TP63: variants seen among roughly 807,000 people sequenced by gnomAD.
The protein encoded by TP63 is tumor protein 63.
Under a neutral mutation model 82.8 loss-of-function variants are expected in TP63, and 17 were observed. That is an observed-to-expected ratio of 0.21 (90% CI 0.14 to 0.31). TP63 has a LOEUF of 0.31. Among genes scored for constraint, TP63 ranks in the 10% least tolerant of loss-of-function variants. The probability of loss-of-function intolerance (pLI) is 1.00; values close to 1 mark genes in which losing one functional copy is unlikely to be tolerated. For missense variants in TP63, 648 were observed against 895.3 expected (o/e 0.72, Z 3.52); for synonymous variants, 330 against 321.7 (o/e 1.03, Z -0.28).
the TP63 span, among the ~76,000 whole-genome samples, chr3:189,600,604 T>C: frequency 6.6e-6 from 1 of 152,202 alleles, no homozygotes; most frequent in Non-Finnish European, 1.5e-5. Flanking sequence ...CTCTTTGTTA[T>C]TAAACTCTAC....
chr3:189,869,717 G>GTT (rs751802317), intron 9 of TP63, among the ~76,000 whole-genome samples: 4,892 of 136,690 alleles, frequency 0.036, 95 homozygotes, highest in Middle Eastern at 0.12. Context: ...TCTCTAGGGT[G>GTT]TTTTTTTTTT....
chr3:189,850,285 G>A (rs924602963), intron 4 of TP63, among the ~76,000 whole-genome samples: 6 of 151,226 alleles, frequency 4.0e-5, no homozygotes, highest in South Asian at 2.1e-4. Context: ...CCATCCCCCC[G>A]TACCCCTTCC....
Position 189,875,902 on chromosome 3 carries a change from T to C in TP63, c.1349+2907T>C, listed in dbSNP as rs138196849. Among the ~76,000 whole-genome samples, 194 of 151,994 alleles carry C rather than the reference T, an allele frequency of 1.3e-3. 2 individuals are homozygous for C. The South Asian group carries it at 0.022, about 17-fold the overall frequency. ...AGAAAGTGAGGCATGCCCATCCAGATATAAAATGTAGTTAACGACACAACC... is the reference window on the plus strand; with the variant it reads ...AGAAAGTGAGGCATGCCCATCCAGACATAAAATGTAGTTAACGACACAACC... On this transcript the variant is annotated intron_variant, in intron 10 of 13. Coordinates refer to ENST00000264731, the MANE Select transcript of TP63 (RefSeq NM_003722.5).
At chr3:189,870,873 C>T (rs1055321555) in intron 9 of TP63, among the ~76,000 whole-genome samples, 8 of 152,116 alleles carry the variant, frequency 5.3e-5, no homozygotes, top group African/African-American at 1.4e-4. Flanking sequence ...ATTGAACTAA[C>T]GAAAGTCAAC....
At chr3:189,770,674 T>C (rs1723272967) in intron 3 of TP63, among the ~76,000 whole-genome samples, 1 of 152,200 alleles carries the variant, frequency 6.6e-6, no homozygotes, top group Admixed American at 6.5e-5. Flanking sequence ...TAGAAGGCTG[T>C]CCCTTCTTTT....
chr3:189,614,281 T>C, the TP63 span, among the ~76,000 whole-genome samples: 10 of 152,180 alleles, frequency 6.6e-5, no homozygotes, highest in African/African-American at 2.4e-4. Context: ...CGAGATCTGA[T>C]GGATTTGTCA....
chr3:189,850,362 A>G (rs534701897), intron 4 of TP63, among the ~76,000 whole-genome samples: 1 of 152,318 alleles, frequency 6.6e-6, no homozygotes, highest in African/African-American at 2.4e-5. Context: ...AAGACATCTG[A>G]GTATAAGACA....
intron 3 of TP63, among the ~76,000 whole-genome samples, chr3:189,777,845 C>CTTTTTTTTTTTTTTTTTTTTTTT (rs55731981): frequency 2.6e-5 from 1 of 37,766 alleles, no homozygotes; most frequent in African/African-American, 1.2e-4. Context: ...TCTTCTTCTT[C>CTTTTTTTTTTTTTTTTTTTTTTT]TTTTTTTTTT....
At chr3:189,640,196 A>T (rs1711700743) in intron 1 of TP63, among the ~76,000 whole-genome samples, 1 of 151,968 alleles carries the variant, frequency 6.6e-6, no homozygotes, top group South Asian at 2.1e-4. Flanking sequence ...CTGCCTCTAT[A>T]AAAAAAATTT....
chr3:189,842,595 G>T (rs527510149), intron 4 of TP63, among the ~76,000 whole-genome samples: 1 of 152,294 alleles, frequency 6.6e-6, no homozygotes, highest in South Asian at 2.1e-4. Flanking sequence ...AGGGGCAGGG[G>T]AGCACATAGA....
chr3:189,892,754 T>C (rs1325331835), intron 13 of TP63, among the ~76,000 whole-genome samples: 1 of 152,198 alleles, frequency 6.6e-6, no homozygotes, highest in African/African-American at 2.4e-5. Context: ...ATCACGCCAC[T>C]GCACTCCAGC....
intron 1 of TP63, among the ~76,000 whole-genome samples, chr3:189,708,266 T>G (rs1019166853): frequency 1.3e-5 from 2 of 152,240 alleles, no homozygotes; most frequent in Admixed American, 1.3e-4. Context: ...TCTCTGCCAG[T>G]AGTAGCAGTC....
chr3:189,742,001 G>C (rs1721019583), intron 3 of TP63, among the ~76,000 whole-genome samples: 1 of 152,044 alleles, frequency 6.6e-6, no homozygotes, highest in Non-Finnish European at 1.5e-5. Context: ...TCAGCACTTT[G>C]GGAGGCCGAG....
chr3:189,773,275 T>C (rs1041290855), intron 3 of TP63, among the ~76,000 whole-genome samples: 16 of 152,210 alleles, frequency 1.1e-4, no homozygotes, highest in Non-Finnish European at 1.9e-4. Flanking sequence ...CTCTGAGTAA[T>C]TCTCATTCTT....
intron 4 of TP63, among the ~76,000 whole-genome samples, chr3:189,840,770 T>G (rs556415238): frequency 2.0e-5 from 3 of 150,108 alleles, no homozygotes; most frequent in African/African-American, 7.4e-5. Context: ...AGGCAGAGAA[T>G]TGCTTGAACC....
intron 1 of TP63, among the ~76,000 whole-genome samples, chr3:189,672,705 GA>G (rs1382896610): frequency 6.8e-6 from 1 of 147,110 alleles, no homozygotes; most frequent in Non-Finnish European, 1.5e-5. Context: ...AGGAAGGAAG[GA>G]AAGAAGGAAG....
intron 3 of TP63, among the ~76,000 whole-genome samples, chr3:189,744,679 G>T (rs1721239305): frequency 6.6e-6 from 1 of 152,200 alleles, no homozygotes; most frequent in South Asian, 2.1e-4. Context: ...GGGTCCCAGA[G>T]GGTTGTCTTG....
At chr3:189,849,631 CT>C (rs943282993) in intron 4 of TP63, among the ~76,000 whole-genome samples, 1 of 151,536 alleles carries the variant, frequency 6.6e-6, no homozygotes, top group Non-Finnish European at 1.5e-5. Flanking sequence ...TCTCCTTTTG[CT>C]TTTTTTTCAA....
chr3:189,726,859 T>C (rs1413636473), intron 1 of TP63, among the ~76,000 whole-genome samples: 1 of 152,220 alleles, frequency 6.6e-6, no homozygotes, highest in East Asian at 1.9e-4. Flanking sequence ...TAAAGGTCTT[T>C]TATGTACATC....
Sources: allele counts gnomAD v4.1 joint callset (sites outside exome capture counted in the v4.1 genomes callset), GRCh38; gene constraint gnomAD v4.1.1; transcripts MANE v1.5; gene names NCBI Gene and HGNC (gene_info 2026-07-23, HGNC 2026-07-21).